THSD4: variants seen among roughly 807,000 people sequenced by gnomAD.
The protein encoded by THSD4 is thrombospondin type-1 domain-containing protein 4.
A neutral mutation model predicts 119.0 loss-of-function variants in THSD4; 69 were observed. The observed-to-expected ratio is 0.58, with a 90% CI of 0.48 to 0.71. The LOEUF is 0.71. Ranked by LOEUF, THSD4 falls within the 30% of genes least tolerant of loss-of-function variation. The probability of loss-of-function intolerance (pLI) is 0.00; values close to 1 mark genes in which losing one functional copy is unlikely to be tolerated. For missense variants in THSD4, 1,393 were observed against 1,391.1 expected (o/e 1.00, Z -0.02); for synonymous variants, 524 against 540.4 (o/e 0.97, Z 0.42).
Position 71,293,456 on chromosome 15 carries a change from C to G in THSD4, c.1015+36741C>G, listed in dbSNP as rs77918028. The stretch of plus-strand genomic sequence containing the variant: ...CAGTTTCTCTGAAGAGTAAACCTCT[C>G]CCCTGCTTGGGGAGGAGCATGGGGG... On this transcript the variant is annotated intron_variant, in intron 6 of 17. Transcript: ENST00000261862. Among the ~76,000 whole-genome samples, 21 of 152,174 alleles carry G rather than the reference C, an allele frequency of 1.4e-4. No individual in the cohort carries two copies. In the East Asian group the frequency reaches 4.1e-3, roughly 30 times the overall value.
Position 71,780,647 on chromosome 15 carries a change from G to A in THSD4, c.*3273G>A, listed in dbSNP as rs142289018. On this transcript the variant is annotated 3_prime_UTR_variant, in exon 18 of 18. Transcript: ENST00000261862. ...CAAGCTGTTGGGGACCCCAGGGAGG[G>A]CAAGGCAGCCTGTCCCCGCCCCCAG... is the stretch of plus-strand genomic sequence containing the variant. 1.9e-3 allele frequency: 884 copies of A among 456,684 alleles called. 7 individuals are homozygous for A. The highest frequency in any genetic ancestry group is 0.015 in the African/African-American group (736 of 50,200). 28.3% of individuals were successfully genotyped at this position (456,684 alleles called of 1,614,324 possible). A position where few individuals can be genotyped will look rare whatever the true frequency, so the allele number is the denominator to read the frequency against.
chr15:71,764,939 T>C, intron 15 of THSD4, 81 bp from the exon 16 acceptor site: 1 of 1,506,854 alleles, frequency 6.6e-7, no homozygotes, highest in African/African-American at 1.4e-5. Flanking sequence ...ACGGTGCCCG[T>C]CATAAGCATC....
intron 1 of THSD4, among the ~76,000 whole-genome samples, chr15:71,123,965 G>A (rs1372156859): frequency 6.6e-6 from 1 of 152,110 alleles, no homozygotes; most frequent in Non-Finnish European, 1.5e-5. Flanking sequence ...TTGCACAGTG[G>A]GCTCACTCAT....
chr15:71,484,224 T>C (rs1036751490), intron 7 of THSD4, among the ~76,000 whole-genome samples: 1 of 152,210 alleles, frequency 6.6e-6, no homozygotes, highest in Non-Finnish European at 1.5e-5. Context: ...TTCCCTCTGC[T>C]GATTTTACTG....
At chr15:71,388,462 A>C (rs1179235434) in intron 6 of THSD4, among the ~76,000 whole-genome samples, 1 of 152,166 alleles carries the variant, frequency 6.6e-6, no homozygotes. Flanking sequence ...ATCTACCAGA[A>C]TGTGTTCCTT....
chr15:71,232,511 G>C (rs899660502), intron 4 of THSD4, among the ~76,000 whole-genome samples: 6 of 152,088 alleles, frequency 3.9e-5, no homozygotes, highest in Admixed American at 3.9e-4. Context: ...CTGCCCCCGA[G>C]AGTACTAACA....
chr15:71,245,899 G>A (rs1216797971), intron 5 of THSD4, among the ~76,000 whole-genome samples: 1 of 152,164 alleles, frequency 6.6e-6, no homozygotes, highest in Non-Finnish European at 1.5e-5. Flanking sequence ...AAGGGGAGCA[G>A]TCTCAGTTCA....
intron 4 of THSD4, among the ~76,000 whole-genome samples, chr15:71,230,163 T>C (rs896368729): frequency 6.6e-6 from 1 of 152,108 alleles, no homozygotes; most frequent in African/African-American, 2.4e-5. Context: ...TCCATTTGCT[T>C]AGCACCTGCC....
intron 6 of THSD4, among the ~76,000 whole-genome samples, chr15:71,324,847 A>G (rs2045319394): frequency 6.6e-6 from 1 of 152,160 alleles, no homozygotes; most frequent in African/African-American, 2.4e-5. Flanking sequence ...TGCTGGATGG[A>G]ATGGTAGATC....
intron 3 of THSD4, among the ~76,000 whole-genome samples, chr15:71,157,594 C>T (rs2141386436): frequency 6.6e-6 from 1 of 151,954 alleles, no homozygotes. Flanking sequence ...ATTGACCAAC[C>T]TCTGCCCACT....
intron 3 of THSD4, among the ~76,000 whole-genome samples, chr15:71,212,153 T>C (rs1034655443): frequency 6.6e-6 from 1 of 152,190 alleles, no homozygotes; most frequent in Admixed American, 6.5e-5. Context: ...TTTTCTTCCT[T>C]TCTCTTTCTG....
chr15:71,367,089 C>T (rs551910080), intron 6 of THSD4, among the ~76,000 whole-genome samples: 2 of 152,298 alleles, frequency 1.3e-5, no homozygotes, highest in Non-Finnish European at 2.9e-5. Flanking sequence ...TATAGCGGTC[C>T]TTCAAAATGT....
intron 6 of THSD4, among the ~76,000 whole-genome samples, chr15:71,407,342 G>C (rs1441363): frequency 0.3 from 44,961 of 151,968 alleles, 7,843 homozygotes; most frequent in African/African-American, 0.5. Context: ...CAGCTTTCTT[G>C]GGTCGGCTAA....
chr15:71,263,331 G>GTATATATATATATATATTTATATATATA (rs60448462), intron 6 of THSD4, among the ~76,000 whole-genome samples: 1 of 138,840 alleles, frequency 7.2e-6, no homozygotes, highest in African/African-American at 2.7e-5. Flanking sequence ...GTATTCCATG[G>GTATATATATATATATATTTATATATATA]TATATATATA....
chr15:71,320,260 A>T (rs1447522019), intron 6 of THSD4, among the ~76,000 whole-genome samples: 1 of 152,192 alleles, frequency 6.6e-6, no homozygotes, highest in Non-Finnish European at 1.5e-5. Flanking sequence ...CTTACATTTT[A>T]TATAAGTTGT....
chr15:71,622,324 A>G (rs902078915), intron 7 of THSD4, among the ~76,000 whole-genome samples: 76 of 152,342 alleles, frequency 5.0e-4, no homozygotes, highest in African/African-American at 1.8e-3. Flanking sequence ...GAAAGCTGCT[A>G]GAGAGTTTCT....
At chr15:71,432,086 A>G (rs2046949890) in intron 7 of THSD4, among the ~76,000 whole-genome samples, 1 of 152,158 alleles carries the variant, frequency 6.6e-6, no homozygotes, top group East Asian at 1.9e-4. Flanking sequence ...AAGACATATC[A>G]GATTTCTAGG....
intron 7 of THSD4, among the ~76,000 whole-genome samples, chr15:71,577,057 A>G (rs2049460540): frequency 6.6e-6 from 1 of 151,568 alleles, no homozygotes; most frequent in African/African-American, 2.4e-5. Flanking sequence ...ATGAACTGTA[A>G]ATGTCTCCAG....
chr15:71,414,180 G>A lies in THSD4; in HGVS notation c.1152+2357G>A, dbSNP rs149148010. 5.3e-5 allele frequency among the ~76,000 whole-genome samples: 8 copies of A among 152,346 alleles called. No individual in the cohort carries two copies. In the East Asian group the frequency reaches 1.5e-3, roughly 29 times the overall value. On this transcript the variant is annotated intron_variant, in intron 7 of 17. Transcript: ENST00000261862. ...ACATCATCTAAAGAATGAGGAGGAT[G>A]GTACCTACGTCCTGTGTTGCGGTGA...
Sources: gnomAD v4.1 joint callset for allele counts (sites outside exome capture counted in the v4.1 genomes callset) on GRCh38, gnomAD v4.1.1 for gene constraint, MANE v1.5 for transcripts, NCBI Gene and HGNC (gene_info 2026-07-23, HGNC 2026-07-21) for gene names.